The following SELPLG variants were observed in gnomAD, a reference collection of about 807,000 sequenced individuals.
SELPLG encodes selectin P ligand, also known as P-selectin glycoprotein ligand 1.
In SELPLG, 2 loss-of-function variants were observed where a neutral mutation model predicts 1.1. The ratio of observed to expected loss-of-function variants is 1.82; its 90% CI spans 0.74 to 5.71. The LOEUF is 5.71. SELPLG is among the 30% of genes most tolerant of loss of function. The pLI is 0.05. For synonymous variants in SELPLG, 230 were observed against 221.2 expected, an observed-to-expected ratio of 1.04 and a Z score of -0.35; for missense variants, 478 against 524.7, an observed-to-expected ratio of 0.91 and a Z score of 0.87.
intron 1 of SELPLG, among the ~76,000 whole-genome samples, chr12:108,626,300 A>G (rs1180855091): frequency 4.6e-5 from 7 of 151,778 alleles, no homozygotes; most frequent in Non-Finnish European, 1.0e-4. Context: ...ATGCCCAGCT[A>G]ATTTTTGTAT....
intron 1 of SELPLG, among the ~76,000 whole-genome samples, chr12:108,626,128 C>CTTTTT (rs573374699): frequency 9.9e-4 from 125 of 125,642 alleles, no homozygotes; most frequent in Non-Finnish European, 1.5e-3. Context: ...GGTTTCTTTT[C>CTTTTT]TTTTTTTTTT....
rs2031956407 is a variant in SELPLG, at chr12:108,627,462, G to A, written c.-5-3150C>T. Among the ~76,000 whole-genome samples, 4 of 152,206 alleles carry A rather than the reference G, an allele frequency of 2.6e-5. No homozygotes were observed. The South Asian group carries it at 8.3e-4, about 31-fold the overall frequency. On this transcript the variant is annotated intron_variant, in intron 1 of 1. Coordinates refer to ENST00000550948, the MANE Select transcript of SELPLG (RefSeq NM_003006.4). The stretch of plus-strand genomic sequence containing the variant: ...TGCCATGCAGGGCATAGGGTTGAAA[G>A]CATAGATGTGGGGTCAGACAAAAAG...
intron 1 of SELPLG, among the ~76,000 whole-genome samples, chr12:108,629,070 G>T (rs1176385200): frequency 6.6e-6 from 1 of 152,228 alleles, no homozygotes; most frequent in Non-Finnish European, 1.5e-5. Context: ...GGAAATGGAG[G>T]TCTCAGACTC....
In SELPLG at chr12:108,622,046, G is replaced by GC. The variant is rs1463760037; in HGVS notation, c.*1022dup. ...TGGGGAAGGGGCAGCCCTCCCTTTG[G>GC]CCCCCCATAGCCTGAACTTTTCCTG... On this transcript the variant is annotated 3_prime_UTR_variant, in exon 2 of 2. Transcript: ENST00000550948. Among the ~76,000 whole-genome samples the GC allele has an allele frequency of 6.6e-6, 1 of 152,130 alleles. No homozygotes were observed. The highest frequency in any genetic ancestry group is 1.5e-5 in the Non-Finnish European group (1 of 68,014).
At chr12:108,631,909 T>C in intron 1 of SELPLG, 1 of 1,535,684 alleles carries the variant, frequency 6.5e-7, no homozygotes, top group Non-Finnish European at 8.7e-7. Flanking sequence ...CATCTTCCTG[T>C]TCAAGTTCAG....
rs760998976 is a variant in SELPLG, at chr12:108,624,156, TA to T, written c.151del (p.Tyr51MetfsTer13). 6.2e-7 allele frequency: 1 copy of T among 1,614,186 alleles called. No homozygotes were observed. ...AGGCTCCGTTTCTGGCAGGAAATCA[TA>T]ATCTAGGTACTCATATTCGGTGGCC... ...RQATEYEYLD[Y>X]DFLPETEPPE... On this transcript the variant is annotated frameshift_variant, in exon 2 of 2. Transcript: ENST00000550948. LOFTEE classifies it low-confidence loss of function (END_TRUNC).
intron 1 of SELPLG, among the ~76,000 whole-genome samples, chr12:108,628,117 G>A (rs1275434488): frequency 6.6e-6 from 1 of 151,906 alleles, no homozygotes; most frequent in Admixed American, 6.6e-5. Context: ...AGAAAAATTA[G>A]CCAGGCATGA....
At chr12:108,628,880 C>G (rs2031993312) in intron 1 of SELPLG, 1 of 152,294 alleles carries the variant, frequency 6.6e-6, no homozygotes, top group Admixed American at 6.5e-5. Flanking sequence ...GCTGTGTAAA[C>G]TCGGGCAGGT....
At position 108,628,318 on chromosome 12, in the gene SELPLG, AACACAC is replaced by A. The variant is rs57432345; in HGVS notation, c.-5-4012_-5-4007del. On this transcript the variant is annotated intron_variant, in intron 1 of 1. Transcript: ENST00000550948. Reference sequence around the variant, plus strand: ...CTTACAGTAGGTGCTTAATAAATGTAACACACACACACACACACACACACACACACA... The same window carrying A: ...CTTACAGTAGGTGCTTAATAAATGTAACACACACACACACACACACACACA... 7.0e-3 allele frequency among the ~76,000 whole-genome samples: 982 copies of A among 140,288 alleles called. 1 individual carries two copies. Among genetic ancestry groups the A allele is most frequent in the Non-Finnish European group, 0.011 (710 of 64,982 alleles). 92.0% of individuals were successfully genotyped at this position (140,288 alleles called of 152,430 possible).
At position 108,624,264 on chromosome 12, in the gene SELPLG, C is replaced by T. The variant is rs1246473922; in HGVS notation, c.44G>A (p.Gly15Asp). The T allele has an allele frequency of 6.2e-7, 1 of 1,614,166 alleles. No homozygotes were observed. The highest frequency in any genetic ancestry group is 2.2e-5 in the East Asian group (1 of 44,888). ...LLLLLILLGPGNSLQLWDTWA... is the reference protein window; with the variant it reads ...LLLLLILLGPDNSLQLWDTWA... ...GGTGTCCCACAGCTGCAAGCTGTTG[C>T]CAGGGCCCAGTAGGATCAGCAACAG... The change falls in exon 2 of 2, where the codon GGC becomes GAC. Residue 15 changes from glycine (G) to aspartate (D), a missense_variant. Physicochemically the swap from Gly to Asp is moderately conservative, Grantham distance 94 (BLOSUM62 -1). Transcript: ENST00000550948.
chr12:108,629,731 T>A (rs1460934108), intron 1 of SELPLG, among the ~76,000 whole-genome samples: 2 of 151,882 alleles, frequency 1.3e-5, no homozygotes, highest in Non-Finnish European at 2.9e-5. Context: ...TTTTTTTTAA[T>A]GAAAGAAAAG....
chr12:108,623,978 C>A lies in SELPLG; in HGVS notation c.330G>T (p.Gly110=). The A allele has an allele frequency of 6.2e-7, 1 of 1,614,218 alleles. No individual in the cohort carries two copies. Among genetic ancestry groups the A allele is most frequent in the Non-Finnish European group, 8.5e-7 (1 of 1,180,028 alleles). ...TAGCTGCTGAATCCGTGGACAGGTT[C>A]CCCATGTTGGCCAGCTCCGTGGTCA... ...TELTTELANM[G]NLSTDSAAME... The change falls in exon 2 of 2, where the codon GGG becomes GGT. Residue 110 remains glycine (G), a synonymous_variant. Coordinates refer to ENST00000550948, the MANE Select transcript of SELPLG (RefSeq NM_003006.4).
intron 1 of SELPLG, among the ~76,000 whole-genome samples, chr12:108,631,543 A>G (rs2032053651): frequency 6.6e-6 from 1 of 152,124 alleles, no homozygotes; most frequent in African/African-American, 2.4e-5. Flanking sequence ...AGCCACGGTG[A>G]CCAGCCCTCC....
At position 108,624,221 on chromosome 12, in the gene SELPLG, C is replaced by A. The variant is rs1413272571; in HGVS notation, c.87G>T (p.Glu29Asp). Residue 29 changes from glutamate to aspartate, a missense_variant, in exon 2 of 2, where the codon GAG (glutamate) becomes GAT (aspartate). Transcript: ENST00000550948. ...GGGCAAGCAGGGGACCCAAGGCTTT[C>A]TCGGCTTCATCTGCCCAGGTGTCCC... ...QLWDTWADEA[E>D]KALGPLLARD... is the part of the protein sequence containing the mutation. The A allele has an allele frequency of 1.2e-6, 2 of 1,614,232 alleles. No homozygotes were observed. Among genetic ancestry groups the A allele is most frequent in the Admixed American group, 3.3e-5 (2 of 60,026 alleles).
At chr12:108,631,723 G>T in intron 1 of SELPLG, 1 of 675,296 alleles carries the variant, frequency 1.5e-6, no homozygotes, top group Non-Finnish European at 2.5e-6. Context: ...TGATCCAGAG[G>T]CAGTAAGGTA....
intron 1 of SELPLG, among the ~76,000 whole-genome samples, chr12:108,624,837 G>A (rs2136763063): frequency 6.6e-6 from 1 of 152,064 alleles, no homozygotes; most frequent in Middle Eastern, 3.4e-3. Flanking sequence ...TTACAGGCAT[G>A]CACAACCACA....
intron 1 of SELPLG, chr12:108,631,788 T>A: frequency 2.6e-6 from 3 of 1,133,890 alleles, no homozygotes; most frequent in Non-Finnish European, 3.8e-6. Context: ...ACAACTGTCT[T>A]TAAACAGTTT....
chr12:108,625,549 T>C (rs1434779271), intron 1 of SELPLG, among the ~76,000 whole-genome samples: 2 of 152,216 alleles, frequency 1.3e-5, no homozygotes, highest in Non-Finnish European at 2.9e-5. Flanking sequence ...ACACTCTCCA[T>C]GGCCAGGAGA....
chr12:108,632,292 G>A (rs946790286), intron 1 of SELPLG, among the ~76,000 whole-genome samples: 1 of 152,114 alleles, frequency 6.6e-6, no homozygotes, highest in Non-Finnish European at 1.5e-5. Context: ...TGGCTCTGGG[G>A]GCCTCAAAGT....
Sources: allele counts gnomAD v4.1 joint callset (sites outside exome capture counted in the v4.1 genomes callset), GRCh38; gene constraint gnomAD v4.1.1; transcripts MANE v1.5; gene names NCBI Gene and HGNC (gene_info 2026-07-23, HGNC 2026-07-21).